The following TBC1D19 variants were observed in gnomAD, a reference collection of about 807,000 sequenced individuals.
The protein encoded by TBC1D19 is TBC1 domain family member 19, also known as TBC1 domain family, member 19.
In TBC1D19, 60 loss-of-function variants were observed where a neutral mutation model predicts 89.0. The ratio of observed to expected loss-of-function variants is 0.67; its 90% CI spans 0.55 to 0.84. The LOEUF (loss-of-function observed/expected upper bound fraction) is 0.84. Among genes scored for constraint, TBC1D19 ranks in the 40% least tolerant of loss-of-function variants. The pLI, the probability that TBC1D19 is intolerant of heterozygous loss-of-function variation, is 0.00. For missense variants in TBC1D19, 500 were observed against 610.8 expected, an observed-to-expected ratio of 0.82 and a Z score of 1.91; for synonymous variants, 189 against 199.7, an observed-to-expected ratio of 0.95 and a Z score of 0.45.
chr4:26,755,957 G>A lies in TBC1D19; in HGVS notation c.*1010G>A, dbSNP rs1261794800. On this transcript the variant is annotated 3_prime_UTR_variant, in exon 21 of 21. Transcript: ENST00000264866. ...TTTCTGTAATATGGAATAATAGTAT[G>A]TGGGGTAAAAAGTCCAAAAACTATT... Among the ~76,000 whole-genome samples, 1 of 152,194 alleles carries A rather than the reference G, an allele frequency of 6.6e-6. No homozygotes were observed. The highest frequency in any genetic ancestry group is 1.5e-5 in the Non-Finnish European group (1 of 68,036).
chr4:26,807,626 A>G, the TBC1D19 span, among the ~76,000 whole-genome samples: 2 of 152,138 alleles, frequency 1.3e-5, no homozygotes, highest in Admixed American at 6.5e-5. Context: ...TGGCGAGTTC[A>G]TCTCTCCCAT....
chr4:26,745,891 G>T (rs996510903), intron 18 of TBC1D19, among the ~76,000 whole-genome samples: 1 of 152,012 alleles, frequency 6.6e-6, no homozygotes, highest in Admixed American at 6.6e-5. Context: ...ATTCTACCAA[G>T]CACTCCAGGA....
chr4:26,710,543 ACC>A (rs1716105757), intron 13 of TBC1D19, among the ~76,000 whole-genome samples: 1 of 152,080 alleles, frequency 6.6e-6, no homozygotes, highest in African/African-American at 2.4e-5. Context: ...TTGGGTATAT[ACC>A]CAGTAATGGG....
At chr4:26,612,374 A>G (rs1295009081) in intron 1 of TBC1D19, among the ~76,000 whole-genome samples, 1 of 151,910 alleles carries the variant, frequency 6.6e-6, no homozygotes, top group Admixed American at 6.6e-5. Context: ...GATCTGGTAA[A>G]TGGTAATTTT....
the TBC1D19 span, among the ~76,000 whole-genome samples, chr4:26,838,878 A>G: frequency 6.6e-6 from 1 of 152,218 alleles, no homozygotes; most frequent in African/African-American, 2.4e-5. Flanking sequence ...CATAAAATGC[A>G]GAGCCTGTTA....
At position 26,721,578 on chromosome 4, in the gene TBC1D19, T is replaced by C. The variant is rs567405883; in HGVS notation, c.1084+1453T>C. 4.0e-4 allele frequency among the ~76,000 whole-genome samples: 61 copies of C among 152,274 alleles called. No homozygotes were observed. The South Asian group carries it at 0.012, about 31-fold the overall frequency. The stretch of plus-strand genomic sequence containing the variant: ...TTTCTAGTTTTGCTGTCTTTTACAC[T>C]GCTCATTTGAGTTATACATCTAAAG... On this transcript the variant is annotated intron_variant, in intron 15 of 20. Coordinates refer to ENST00000264866, the MANE Select transcript of TBC1D19 (RefSeq NM_018317.4).
intron 12 of TBC1D19, among the ~76,000 whole-genome samples, chr4:26,685,700 T>C (rs76726398): frequency 0.024 from 3,605 of 152,252 alleles, 128 homozygotes; most frequent in African/African-American, 0.08. Context: ...AGTCTTGTAT[T>C]TCACAGAGGT....
chr4:26,671,823 C>T (rs546384900), intron 9 of TBC1D19, among the ~76,000 whole-genome samples: 320 of 151,740 alleles, frequency 2.1e-3, no homozygotes, highest in Non-Finnish European at 4.2e-3. Flanking sequence ...AGGGAAAATT[C>T]ATTCATCAAT....
chr4:26,645,383 T>C (rs188116085), intron 7 of TBC1D19, among the ~76,000 whole-genome samples: 126 of 152,222 alleles, frequency 8.3e-4, no homozygotes, highest in Non-Finnish European at 1.6e-3. Flanking sequence ...TTGACAAACC[T>C]GACAAAAACA....
chr4:26,796,097 A>C, the TBC1D19 span, among the ~76,000 whole-genome samples: 1 of 152,218 alleles, frequency 6.6e-6, no homozygotes, highest in Non-Finnish European at 1.5e-5. Context: ...CAGCAGCCTC[A>C]TGTCTCCATC....
intron 13 of TBC1D19, among the ~76,000 whole-genome samples, chr4:26,692,996 CATG>C (rs1714435977): frequency 6.6e-6 from 1 of 151,980 alleles, no homozygotes; most frequent in South Asian, 2.1e-4. Context: ...CTTGGTGGTG[CATG>C]CCTGTAGTCC....
chr4:26,772,879 G>T, the TBC1D19 span, among the ~76,000 whole-genome samples: 1 of 152,092 alleles, frequency 6.6e-6, no homozygotes, highest in Non-Finnish European at 1.5e-5. Flanking sequence ...TGGACATTTA[G>T]TTTCATTCCG....
At chr4:26,662,606 A>T (rs1445926934) in intron 8 of TBC1D19, among the ~76,000 whole-genome samples, 1 of 152,178 alleles carries the variant, frequency 6.6e-6, no homozygotes, top group Admixed American at 6.6e-5. Context: ...ATGAAAGAAG[A>T]TCCCCACCAA....
At chr4:26,712,344 C>T (rs1039461110) in intron 13 of TBC1D19, among the ~76,000 whole-genome samples, 1 of 151,946 alleles carries the variant, frequency 6.6e-6, no homozygotes, top group African/African-American at 2.4e-5. Flanking sequence ...GTTTTTCTTG[C>T]CATTTATAGA....
intron 6 of TBC1D19, among the ~76,000 whole-genome samples, chr4:26,639,541 A>G (rs1459194707): frequency 6.6e-6 from 1 of 152,200 alleles, no homozygotes; most frequent in Non-Finnish European, 1.5e-5. Context: ...AATGTTTTAA[A>G]GAATTTATTT....
rs771381593 is a variant in TBC1D19 at position 26,614,398 on chromosome 4, T to A, written c.173-10T>A. Reference sequence around the variant, plus strand: ...ATGTTCATATATTTTATTCTTTTTTTAAAAAACAGGTTGGGAGAAGAAACT... The same window carrying A: ...ATGTTCATATATTTTATTCTTTTTTAAAAAAACAGGTTGGGAGAAGAAACT... On this transcript the variant is annotated splice_polypyrimidine_tract_variant and intron_variant, in intron 2 of 20. Coordinates refer to ENST00000264866, the MANE Select transcript of TBC1D19 (RefSeq NM_018317.4). The A allele has an allele frequency of 1.7e-5, 26 of 1,575,380 alleles. No homozygotes were observed. Among genetic ancestry groups the A allele is most frequent in the South Asian group, 2.4e-5 (2 of 83,056 alleles).
At chr4:26,843,484 A>T in the TBC1D19 span, among the ~76,000 whole-genome samples, 3 of 152,016 alleles carry the variant, frequency 2.0e-5, no homozygotes, top group Admixed American at 6.6e-5. Context: ...AAAATGTAGC[A>T]TTGACATCGG....
chr4:26,798,572 A>G, the TBC1D19 span, among the ~76,000 whole-genome samples: 1 of 152,114 alleles, frequency 6.6e-6, no homozygotes, highest in Non-Finnish European at 1.5e-5. Context: ...AAAAGAAAAC[A>G]CATTATAAAA....
intron 13 of TBC1D19, among the ~76,000 whole-genome samples, chr4:26,717,458 C>G (rs949012106): frequency 2.6e-5 from 4 of 152,044 alleles, no homozygotes; most frequent in African/African-American, 9.7e-5. Context: ...TATTAGGCAA[C>G]CACTTGTTCT....
Sources: gnomAD v4.1 joint callset for allele counts (sites outside exome capture counted in the v4.1 genomes callset) on GRCh38, gnomAD v4.1.1 for gene constraint, MANE v1.5 for transcripts, NCBI Gene and HGNC (gene_info 2026-07-23, HGNC 2026-07-21) for gene names.